Variants in CAST observed in about 807,000 individuals in gnomAD.
CAST encodes the protein MIR583 host.
CAST carries 76 observed loss-of-function variants against 119.6 expected under a neutral mutation model. The ratio of observed to expected loss-of-function variants is 0.64; its 90% CI spans 0.53 to 0.77. The LOEUF is 0.77. Ranked by LOEUF, CAST falls within the 30% of genes least tolerant of loss-of-function variation. CAST has a pLI of 0.00. For synonymous variants in CAST, 319 were observed against 331.6 expected (o/e 0.96, Z 0.41); for missense variants, 953 against 946.5 (o/e 1.01, Z -0.09).
intron 11 of CAST, 38 bp downstream of exon 11, chr5:96,737,985 T>C (rs771586163): frequency 1.3e-5 from 15 of 1,183,772 alleles, no homozygotes; most frequent in Non-Finnish European, 1.8e-5. Context: ...TCATACTCAG[T>C]GGGTAGGAGA....
At chr5:96,541,696 G>T (rs896061603) in intron 1 of CAST, among the ~76,000 whole-genome samples, 36 of 152,122 alleles carry the variant, frequency 2.4e-4, no homozygotes, top group African/African-American at 8.0e-4. Context: ...TTTCCAGAAT[G>T]TCACATAATT....
chr5:96,264,469 C>T, the CAST span, among the ~76,000 whole-genome samples: 1 of 147,596 alleles, frequency 6.8e-6, no homozygotes, highest in Non-Finnish European at 1.5e-5. Context: ...AAAGAAAAAC[C>T]TCTTTCTTGA....
the CAST span, among the ~76,000 whole-genome samples, chr5:96,448,219 C>A: frequency 6.6e-6 from 1 of 152,120 alleles, no homozygotes; most frequent in South Asian, 2.1e-4. Flanking sequence ...AATCTTAAAG[C>A]CTTAGGTTTG....
chr5:96,616,322 G>A (rs1196665736), intron 1 of CAST, among the ~76,000 whole-genome samples: 2 of 152,116 alleles, frequency 1.3e-5, no homozygotes, highest in Non-Finnish European at 2.9e-5. Flanking sequence ...GCTCTGTAGG[G>A]CAGTGTCCTA....
chr5:96,576,059 G>T (rs1746663347), intron 1 of CAST, among the ~76,000 whole-genome samples: 1 of 152,184 alleles, frequency 6.6e-6, no homozygotes, highest in Non-Finnish European at 1.5e-5. Context: ...CCCAGAATAA[G>T]TCCCACATGG....
the CAST span, among the ~76,000 whole-genome samples, chr5:96,188,148 G>T: frequency 6.6e-6 from 1 of 152,120 alleles, no homozygotes; most frequent in South Asian, 2.1e-4. Flanking sequence ...ACAAAATGAT[G>T]CTAACCTGAA....
chr5:96,641,807 T>G (rs1325853310), intron 1 of CAST, among the ~76,000 whole-genome samples: 1 of 152,214 alleles, frequency 6.6e-6, no homozygotes, highest in Non-Finnish European at 1.5e-5. Flanking sequence ...CAAGTCCACT[T>G]TCCTGCATGC....
chr5:96,078,425 CT>C, the CAST span, among the ~76,000 whole-genome samples: 1 of 149,448 alleles, frequency 6.7e-6, no homozygotes, highest in Non-Finnish European at 1.5e-5. Context: ...CGGAGTTTTG[CT>C]TTTGTTGCCC....
At chr5:96,386,102 T>C in the CAST span, among the ~76,000 whole-genome samples, 3 of 152,248 alleles carry the variant, frequency 2.0e-5, no homozygotes, top group East Asian at 1.9e-4. Context: ...AATTAAACAA[T>C]GCACTGTGCT....
the CAST span, among the ~76,000 whole-genome samples, chr5:96,284,913 C>T: frequency 6.6e-6 from 1 of 152,204 alleles, no homozygotes; most frequent in African/African-American, 2.4e-5. Context: ...AAATCTTTCA[C>T]TACCCATAGT....
At chr5:96,292,396 T>C in the CAST span, among the ~76,000 whole-genome samples, 1 of 152,228 alleles carries the variant, frequency 6.6e-6, no homozygotes, top group Non-Finnish European at 1.5e-5. Flanking sequence ...CTTTCACAAA[T>C]GTAGACAAAT....
At chr5:96,707,353 T>C (rs1478097017) in intron 3 of CAST, among the ~76,000 whole-genome samples, 1 of 152,172 alleles carries the variant, frequency 6.6e-6, no homozygotes, top group East Asian at 1.9e-4. Flanking sequence ...AAAAATGATT[T>C]TGGGTCTGCT....
the CAST span, among the ~76,000 whole-genome samples, chr5:96,050,503 G>A: frequency 2.0e-5 from 3 of 152,210 alleles, no homozygotes; most frequent in African/African-American, 4.8e-5. Context: ...AGATAAAAGT[G>A]TGGGTTGAGA....
the CAST span, among the ~76,000 whole-genome samples, chr5:96,167,892 TG>T: frequency 1.1e-4 from 17 of 151,334 alleles, no homozygotes; most frequent in African/African-American, 2.4e-4. Flanking sequence ...GGGAAGTGGG[TG>T]GGGGGGCCTG....
the CAST span, among the ~76,000 whole-genome samples, chr5:96,463,694 G>A: frequency 1.8e-4 from 27 of 151,978 alleles, no homozygotes; most frequent in Non-Finnish European, 2.9e-4. Flanking sequence ...TTGGATTAGT[G>A]GGGTATAGAA....
chr5:96,175,943 C>A, the CAST span, among the ~76,000 whole-genome samples: 3 of 152,194 alleles, frequency 2.0e-5, no homozygotes, highest in African/African-American at 4.8e-5. Context: ...TCACAAACAT[C>A]ATTCCGCCTC....
intron 3 of CAST, among the ~76,000 whole-genome samples, chr5:96,718,065 G>A (rs1180508446): frequency 1.3e-5 from 2 of 152,160 alleles, no homozygotes; most frequent in Non-Finnish European, 2.9e-5. Flanking sequence ...ACTGGAACTG[G>A]CACTGAATCA....
chr5:95,977,682 T>C, the CAST span, among the ~76,000 whole-genome samples: 2 of 152,120 alleles, frequency 1.3e-5, no homozygotes, highest in Non-Finnish European at 2.9e-5. Context: ...CAGGGGTACA[T>C]GTGCAGGTTT....
intron 1 of CAST, among the ~76,000 whole-genome samples, chr5:96,626,546 C>T (rs1359384417): frequency 6.6e-6 from 1 of 152,268 alleles, no homozygotes; most frequent in East Asian, 1.9e-4. Context: ...TGTCCTGTTT[C>T]CTGATTCCTC....
Sources: allele counts gnomAD v4.1 joint callset (sites outside exome capture counted in the v4.1 genomes callset), GRCh38; gene constraint gnomAD v4.1.1; transcripts MANE v1.5; gene names NCBI Gene and HGNC (gene_info 2026-07-23, HGNC 2026-07-21).